Variants in SPIDR observed in about 807,000 individuals in gnomAD.
SPIDR encodes DNA repair-scaffolding protein.
SPIDR carries 93 observed loss-of-function variants against 104.6 expected under a neutral mutation model. That is an observed-to-expected ratio of 0.89 (90% CI 0.75 to 1.06). The LOEUF is 1.06. Ranked by LOEUF, SPIDR falls within the 50% of genes least tolerant of loss-of-function variation. The pLI, the probability that SPIDR is intolerant of heterozygous loss-of-function variation, is 0.00. For synonymous variants in SPIDR, 431 were observed against 416.9 expected (o/e 1.03, Z -0.41); for missense variants, 1,154 against 1,111.2 (o/e 1.04, Z -0.55).
intron 7 of SPIDR, among the ~76,000 whole-genome samples, chr8:47,438,420 A>G (rs1421181776): frequency 6.6e-6 from 1 of 152,188 alleles, no homozygotes; most frequent in Non-Finnish European, 1.5e-5. Flanking sequence ...AATTCTGTAC[A>G]CACTGCTCTG....
chr8:47,411,994 G>A (rs2063596003), intron 7 of SPIDR, among the ~76,000 whole-genome samples: 1 of 152,142 alleles, frequency 6.6e-6, no homozygotes, highest in Non-Finnish European at 1.5e-5. Flanking sequence ...TGAGGCCTCT[G>A]TTCTGTTCCA....
chr8:47,415,105 G>A (rs782112365), intron 7 of SPIDR, among the ~76,000 whole-genome samples: 4 of 152,014 alleles, frequency 2.6e-5, no homozygotes, highest in African/African-American at 4.8e-5. Flanking sequence ...GGGTTTCACC[G>A]TGTTAGCCAG....
chr8:47,548,603 G>T (rs1358521386), intron 8 of SPIDR, among the ~76,000 whole-genome samples: 1 of 152,182 alleles, frequency 6.6e-6, no homozygotes, highest in Admixed American at 6.5e-5. Context: ...AGCTGCGATT[G>T]CACCACTGCA....
chr8:47,697,071 C>A lies in SPIDR; in HGVS notation c.1686-3332C>A, dbSNP rs184403285. On this transcript the variant is annotated intron_variant, in intron 11 of 19. Transcript: ENST00000297423. ...ATGTAAGTGATGTGGTGCCCCCATC[C>A]TTACTCTATCTCTCTTGAGGGGTGT... 1.2e-3 allele frequency among the ~76,000 whole-genome samples: 188 copies of A among 152,226 alleles called. 1 individual carries two copies. The highest frequency in any genetic ancestry group is 2.2e-3 in the Non-Finnish European group (151 of 68,000).
intron 10 of SPIDR, among the ~76,000 whole-genome samples, chr8:47,665,960 G>T (rs1563476086): frequency 6.6e-6 from 1 of 152,078 alleles, no homozygotes; most frequent in Admixed American, 6.6e-5. Flanking sequence ...AACATAATTT[G>T]GAAAAGCTTT....
intron 5 of SPIDR, among the ~76,000 whole-genome samples, chr8:47,365,714 A>G (rs997222939): frequency 1.3e-5 from 2 of 152,170 alleles, no homozygotes; most frequent in Non-Finnish European, 2.9e-5. Context: ...GTACTTTTCT[A>G]TGCCTCTGGG....
chr8:47,713,165 G>C, intron 15 of SPIDR: 1 of 698,880 alleles, frequency 1.4e-6, no homozygotes, highest in Non-Finnish European at 2.2e-6. Context: ...TTATAAATGC[G>C]TATACTTAGA....
intron 7 of SPIDR, among the ~76,000 whole-genome samples, chr8:47,415,765 C>G (rs1054524006): frequency 1.2e-4 from 18 of 152,184 alleles, no homozygotes; most frequent in African/African-American, 3.6e-4. Flanking sequence ...CGAAGCCACA[C>G]AGCTCTGGTT....
intron 10 of SPIDR, among the ~76,000 whole-genome samples, chr8:47,635,272 A>T (rs1314691371): frequency 6.6e-6 from 1 of 152,134 alleles, no homozygotes; most frequent in African/African-American, 2.4e-5. Flanking sequence ...TGAACCTGGG[A>T]GGTGGAGGTT....
chr8:47,484,487 C>T (rs1554729323), intron 8 of SPIDR, among the ~76,000 whole-genome samples: 3 of 152,186 alleles, frequency 2.0e-5, no homozygotes, highest in African/African-American at 7.2e-5. Context: ...TAAATCCATC[C>T]TCCAGAGCAG....
chr8:47,578,718 C>G (rs1028485955), intron 8 of SPIDR, among the ~76,000 whole-genome samples: 1 of 152,164 alleles, frequency 6.6e-6, no homozygotes, highest in African/African-American at 2.4e-5. Flanking sequence ...CTATATTGTT[C>G]ACTTTCATAC....
At chr8:47,521,440 CTT>C (rs751917193) in intron 8 of SPIDR, among the ~76,000 whole-genome samples, 26 of 137,490 alleles carry the variant, frequency 1.9e-4, no homozygotes, top group Non-Finnish European at 1.6e-4. Context: ...ATTTTTTTTT[CTT>C]TTTTTTTTTT....
chr8:47,512,539 G>A (rs746752833), intron 8 of SPIDR, among the ~76,000 whole-genome samples: 1 of 152,180 alleles, frequency 6.6e-6, no homozygotes, highest in African/African-American at 2.4e-5. Flanking sequence ...ATATGATTTA[G>A]TGCAGGCCTC....
intron 11 of SPIDR, among the ~76,000 whole-genome samples, chr8:47,695,501 T>C (rs1168641624): frequency 1.3e-5 from 2 of 152,140 alleles, no homozygotes; most frequent in Non-Finnish European, 2.9e-5. Context: ...TAGAGCAAAT[T>C]CCACTCTATC....
chr8:47,686,163 G>A (rs764444100), intron 11 of SPIDR, among the ~76,000 whole-genome samples: 8 of 152,164 alleles, frequency 5.3e-5, no homozygotes. Flanking sequence ...TAGTCTGAAA[G>A]CATCTGTTGT....
chr8:47,499,615 A>AAAATTT (rs1172100684), intron 8 of SPIDR, among the ~76,000 whole-genome samples: 1 of 151,916 alleles, frequency 6.6e-6, no homozygotes, highest in East Asian at 1.9e-4. Flanking sequence ...CCATCTGTGG[A>AAAATTT]AAATTTTTCC....
chr8:47,593,932 A>G (rs756444514), intron 8 of SPIDR, among the ~76,000 whole-genome samples: 7 of 152,054 alleles, frequency 4.6e-5, no homozygotes, highest in Non-Finnish European at 7.4e-5. Context: ...ATTCTCTGCC[A>G]CACTTCCTCT....
intron 11 of SPIDR, among the ~76,000 whole-genome samples, chr8:47,697,292 AAAAG>A (rs774378652): frequency 2.7e-4 from 41 of 152,024 alleles, no homozygotes; most frequent in Non-Finnish European, 4.6e-4. Context: ...TTAAAAAAAA[AAAAG>A]AAAGAAAAAA....
In SPIDR at chr8:47,644,903, T is replaced by C. The variant is rs114216150; in HGVS notation, c.1545-28898T>C. 2.2e-3 allele frequency among the ~76,000 whole-genome samples: 341 copies of C among 152,228 alleles called. 2 individuals carry two copies. Among genetic ancestry groups the C allele is most frequent in the African/African-American group, 8.0e-3 (332 of 41,524 alleles). ...ACGAAAAGCTCCAGGAGACACACTT[T>C]CCATGCAAAGACACCAGCTATTGCA... On this transcript the variant is annotated intron_variant, in intron 10 of 19. Transcript: ENST00000297423.
Sources: allele counts gnomAD v4.1 joint callset (sites outside exome capture counted in the v4.1 genomes callset), GRCh38; gene constraint gnomAD v4.1.1; transcripts MANE v1.5; gene names NCBI Gene and HGNC (gene_info 2026-07-23, HGNC 2026-07-21).